GRIA4: variants seen among roughly 807,000 people sequenced by gnomAD.
The protein encoded by GRIA4 is glutamate receptor 4.
Under a neutral mutation model 104.0 loss-of-function variants are expected in GRIA4, and 34 were observed. That is an observed-to-expected ratio of 0.33 (90% confidence interval 0.25 to 0.44). The LOEUF is 0.44. GRIA4 is among the 20% of genes least tolerant of loss of function. The pLI is 1.00. For synonymous variants in GRIA4, 386 were observed against 381.9 expected (o/e 1.01, Z -0.13); for missense variants, 750 against 1,096.5 (o/e 0.68, Z 4.46).
intron 4 of GRIA4, among the ~76,000 whole-genome samples, chr11:105,781,314 A>G (rs1426029374): frequency 5.9e-5 from 9 of 152,022 alleles, no homozygotes; most frequent in African/African-American, 2.2e-4. Context: ...AAATTCTCTC[A>G]CACAATGCTC....
intron 7 of GRIA4, among the ~76,000 whole-genome samples, chr11:105,902,052 C>T (rs1946877492): frequency 6.6e-6 from 1 of 152,184 alleles, no homozygotes; most frequent in Non-Finnish European, 1.5e-5. Context: ...TGCTTAAACA[C>T]CTTAATTTTT....
intron 3 of GRIA4, among the ~76,000 whole-genome samples, chr11:105,694,484 A>G (rs1022531541): frequency 1.1e-4 from 17 of 152,226 alleles, no homozygotes; most frequent in Middle Eastern, 3.4e-3. Flanking sequence ...TATTTAAACC[A>G]ATATTATTAT....
chr11:105,905,641 C>A (rs1307411724), intron 9 of GRIA4, among the ~76,000 whole-genome samples: 4 of 152,182 alleles, frequency 2.6e-5, no homozygotes, highest in Non-Finnish European at 5.9e-5. Flanking sequence ...ATAAGCACCT[C>A]AAGGTAGTCA....
chr11:105,938,476 G>A (rs558182390), intron 14 of GRIA4, among the ~76,000 whole-genome samples: 2 of 152,240 alleles, frequency 1.3e-5, no homozygotes, highest in South Asian at 2.1e-4. Context: ...TTTAACATGC[G>A]TTGTGGAAAT....
chr11:105,939,984 A>C (rs994977539), intron 14 of GRIA4, among the ~76,000 whole-genome samples: 3 of 152,154 alleles, frequency 2.0e-5, no homozygotes. Flanking sequence ...GAGAAGCATT[A>C]AAATCACACC....
At chr11:105,704,756 G>A (rs527824016) in intron 3 of GRIA4, among the ~76,000 whole-genome samples, 7 of 152,020 alleles carry the variant, frequency 4.6e-5, no homozygotes, top group Admixed American at 1.3e-4. Flanking sequence ...ATCCCCAAAA[G>A]ATGCAAAAGT....
chr11:105,870,921 C>T (rs1272852867), intron 5 of GRIA4, among the ~76,000 whole-genome samples: 1 of 152,010 alleles, frequency 6.6e-6, no homozygotes, highest in Non-Finnish European at 1.5e-5. Context: ...GAGCAGTGTA[C>T]CTGGTGACTA....
At chr11:105,966,685 GC>G (rs1555060069) in intron 14 of GRIA4, among the ~76,000 whole-genome samples, 2 of 131,638 alleles carry the variant, frequency 1.5e-5, no homozygotes, top group Non-Finnish European at 3.2e-5. Flanking sequence ...CTTAACTCCA[GC>G]TTCCTAAAAT....
At chr11:105,815,230 G>A (rs1013744309) in intron 4 of GRIA4, among the ~76,000 whole-genome samples, 5 of 151,968 alleles carry the variant, frequency 3.3e-5, no homozygotes, top group Admixed American at 6.6e-5. Flanking sequence ...TGCTTAAACC[G>A]GTATGATGAA....
chr11:105,761,402 C>T lies in GRIA4; in HGVS notation c.487+8182C>T, dbSNP rs185191369. On this transcript the variant is annotated intron_variant, in intron 4 of 16. Transcript: ENST00000282499. Reference sequence around the variant, plus strand: ...TTTTGGTGCCACAACTGCCATTATGCACTAAGTACTTTACTATGTCTATTA... The same window carrying T: ...TTTTGGTGCCACAACTGCCATTATGTACTAAGTACTTTACTATGTCTATTA... Among the ~76,000 whole-genome samples the T allele has an allele frequency of 1.3e-3, 203 of 152,210 alleles. No homozygotes were observed. The Middle Eastern group carries it at 0.014, about 10-fold the overall frequency.
At chr11:105,614,207 A>G (rs990724123) in intron 3 of GRIA4, 2 of 151,646 alleles carry the variant, frequency 1.3e-5, no homozygotes, top group Non-Finnish European at 1.5e-5. Context: ...TTAAATTTTG[A>G]AAGATTTCCT....
chr11:105,937,861 T>C (rs1193352602), intron 14 of GRIA4, among the ~76,000 whole-genome samples: 1 of 152,202 alleles, frequency 6.6e-6, no homozygotes, highest in Non-Finnish European at 1.5e-5. Flanking sequence ...CCAGTTGTAC[T>C]TGGCAATGCC....
At chr11:105,723,542 A>G (rs1050026261) in intron 3 of GRIA4, among the ~76,000 whole-genome samples, 1 of 152,146 alleles carries the variant, frequency 6.6e-6, no homozygotes, top group Non-Finnish European at 1.5e-5. Flanking sequence ...GAAGGAAAAA[A>G]TTCAGACAAA....
chr11:105,716,058 G>A (rs1954078586), intron 3 of GRIA4, among the ~76,000 whole-genome samples: 1 of 152,082 alleles, frequency 6.6e-6, no homozygotes, highest in Non-Finnish European at 1.5e-5. Context: ...AATTAGCCTT[G>A]GCATAGTAAA....
chr11:105,639,951 AT>A (rs1199255981), intron 3 of GRIA4, among the ~76,000 whole-genome samples: 1 of 151,822 alleles, frequency 6.6e-6, no homozygotes, highest in Non-Finnish European at 1.5e-5. Context: ...CATGTTTCCT[AT>A]TTTTTTATGC....
At chr11:105,794,277 A>G (rs1942353013) in intron 4 of GRIA4, among the ~76,000 whole-genome samples, 1 of 151,196 alleles carries the variant, frequency 6.6e-6, no homozygotes, top group African/African-American at 2.4e-5. Context: ...TCATGTTTAT[A>G]AACAGTCTAT....
chr11:105,923,851 C>T lies in GRIA4; in HGVS notation c.1477-548C>T, dbSNP rs531874747. On this transcript the variant is annotated intron_variant, in intron 11 of 16. Coordinates refer to ENST00000282499, the MANE Select transcript of GRIA4 (RefSeq NM_000829.4). ...TGAATTGGAAAATATCGTCAAACAACGGATTTTCTTTTATCATACAAGCAC... is the reference window on the plus strand; with the variant it reads ...TGAATTGGAAAATATCGTCAAACAATGGATTTTCTTTTATCATACAAGCAC... Among the ~76,000 whole-genome samples, 6 of 152,168 alleles carry T rather than the reference C, an allele frequency of 3.9e-5. No homozygotes were observed. The East Asian group carries it at 5.8e-4, about 15-fold the overall frequency.
chr11:105,669,210 A>AT (rs1056463873), intron 3 of GRIA4, among the ~76,000 whole-genome samples: 17 of 151,686 alleles, frequency 1.1e-4, no homozygotes, highest in African/African-American at 3.9e-4. Flanking sequence ...TTAGACCGCA[A>AT]TTTTTTTCCT....
chr11:105,737,854 T>C (rs1939051554), intron 3 of GRIA4, among the ~76,000 whole-genome samples: 2 of 151,992 alleles, frequency 1.3e-5, no homozygotes, highest in Non-Finnish European at 2.9e-5. Context: ...TATAAACTTA[T>C]ATGAGTTGCA....
Sources: allele counts gnomAD v4.1 joint callset (sites outside exome capture counted in the v4.1 genomes callset), GRCh38; gene constraint gnomAD v4.1.1; transcripts MANE v1.5; gene names NCBI Gene and HGNC (gene_info 2026-07-23, HGNC 2026-07-21).